The following IPMK variants were observed in gnomAD, a reference collection of about 807,000 sequenced individuals.
The protein encoded by IPMK is inositol 1,3,4,6-tetrakisphosphate 5-kinase.
IPMK carries 17 observed loss-of-function variants against 45.8 expected under a neutral mutation model. That is an observed-to-expected ratio of 0.37 (90% confidence interval 0.25 to 0.56). The LOEUF (loss-of-function observed/expected upper bound fraction) is 0.56. IPMK is among the 20% of genes least tolerant of loss of function. The pLI, the probability that IPMK is intolerant of heterozygous loss-of-function variation, is 0.79. For missense variants in IPMK, 399 were observed against 498.0 expected, an observed-to-expected ratio of 0.80 and a Z score of 1.89; for synonymous variants, 180 against 184.3, an observed-to-expected ratio of 0.98 and a Z score of 0.19.
At chr10:58,242,459 C>CAAAAA (rs1377487096) in intron 1 of IPMK, among the ~76,000 whole-genome samples, 2 of 45,066 alleles carry the variant, frequency 4.4e-5, no homozygotes, top group African/African-American at 2.5e-4. Context: ...GACTCCGTCT[C>CAAAAA]AAAAAAAAAA....
At chr10:58,257,269 T>C (rs1838984072) in intron 1 of IPMK, among the ~76,000 whole-genome samples, 1 of 151,840 alleles carries the variant, frequency 6.6e-6, no homozygotes, top group African/African-American at 2.4e-5. Flanking sequence ...CCAAGGCGGG[T>C]TGATCGCCTG....
chr10:58,261,360 G>T (rs1215404722), intron 1 of IPMK, among the ~76,000 whole-genome samples: 1 of 151,702 alleles, frequency 6.6e-6, no homozygotes, highest in African/African-American at 2.4e-5. Flanking sequence ...GAGTGATAAG[G>T]GAGTGAAATT....
intron 3 of IPMK, among the ~76,000 whole-genome samples, chr10:58,225,735 C>T (rs1296534537): frequency 6.6e-6 from 1 of 152,080 alleles, no homozygotes; most frequent in Non-Finnish European, 1.5e-5. Flanking sequence ...AATTAAACAG[C>T]AATCAGTAGC....
intron 2 of IPMK, among the ~76,000 whole-genome samples, chr10:58,233,016 C>A (rs910337668): frequency 1.3e-5 from 2 of 152,154 alleles, no homozygotes; most frequent in Non-Finnish European, 2.9e-5. Flanking sequence ...CACAGAAATA[C>A]AAACTACCAT....
intron 1 of IPMK, among the ~76,000 whole-genome samples, chr10:58,249,971 C>G (rs560637642): frequency 1.1e-3 from 169 of 152,240 alleles, no homozygotes; most frequent in Admixed American, 2.4e-3. Context: ...TGGCTTAGCA[C>G]CTTTGCCAAA....
At position 58,199,149 on chromosome 10, in the gene IPMK, A is replaced by C. The variant is rs116525496; in HGVS notation, c.628+91T>G. 2,124 of 719,742 alleles carry C rather than the reference A, an allele frequency of 3.0e-3. 31 individuals are homozygous for C. In the African/African-American group the frequency reaches 0.033, roughly 11 times the overall value. 44.6% of individuals were successfully genotyped at this position (719,742 alleles called of 1,614,324 possible). ...TTTAAAAAATGTTTATTATGAATCA[A>C]ATCACTTTTCCAAATGACAACTAAA... On this transcript the variant is annotated intron_variant, in intron 5 of 5. Coordinates refer to ENST00000373935, the MANE Select transcript of IPMK (RefSeq NM_152230.5).
At chr10:58,198,591 C>T (rs1289661517) in intron 5 of IPMK, among the ~76,000 whole-genome samples, 1 of 152,152 alleles carries the variant, frequency 6.6e-6, no homozygotes, top group African/African-American at 2.4e-5. Context: ...AATTCTTCTA[C>T]AAACTTTTTA....
chr10:58,248,354 AG>A (rs1838833082), intron 1 of IPMK, among the ~76,000 whole-genome samples: 1 of 152,210 alleles, frequency 6.6e-6, no homozygotes, highest in Admixed American at 6.5e-5. Flanking sequence ...TATATTCAGC[AG>A]GATTACAAAT....
At chr10:58,203,785 A>G (rs1345048132) in intron 4 of IPMK, among the ~76,000 whole-genome samples, 4 of 152,244 alleles carry the variant, frequency 2.6e-5, no homozygotes, top group Non-Finnish European at 1.5e-5. Context: ...TCCAATTTTC[A>G]AAGTTCTACT....
At chr10:58,243,233 G>A (rs112396071) in intron 1 of IPMK, among the ~76,000 whole-genome samples, 2,694 of 151,410 alleles carry the variant, frequency 0.018, 89 homozygotes, top group African/African-American at 0.059. Flanking sequence ...CAAATGAAAG[G>A]GTAAAAAAAA....
At chr10:58,228,211 C>T (rs938601089) in intron 2 of IPMK, among the ~76,000 whole-genome samples, 3 of 151,972 alleles carry the variant, frequency 2.0e-5, no homozygotes, top group Admixed American at 1.3e-4. Context: ...AATTACAAGA[C>T]GGAGGAATGA....
chr10:58,202,885 CCTG>C (rs1838017366), intron 4 of IPMK, among the ~76,000 whole-genome samples: 1 of 152,166 alleles, frequency 6.6e-6, no homozygotes, highest in Non-Finnish European at 1.5e-5. Flanking sequence ...TGTTTTCATG[CCTG>C]CTAATAACAT....
intron 3 of IPMK, among the ~76,000 whole-genome samples, chr10:58,223,849 A>ACTTTCTCTCTCCTGC (rs1838373642): frequency 1.3e-5 from 2 of 152,242 alleles, no homozygotes; most frequent in East Asian, 3.9e-4. Context: ...TTTCCCCTGC[A>ACTTTCTCTCTCCTGC]CTTTCTCTCT....
chr10:58,230,403 G>C (rs1487058314), intron 2 of IPMK, among the ~76,000 whole-genome samples: 1 of 152,186 alleles, frequency 6.6e-6, no homozygotes, highest in Admixed American at 6.5e-5. Context: ...CCCCAGTAGG[G>C]GCCAACAGAC....
chr10:58,200,123 T>C (rs907422028), intron 4 of IPMK, among the ~76,000 whole-genome samples: 1 of 152,136 alleles, frequency 6.6e-6, no homozygotes, highest in African/African-American at 2.4e-5. Flanking sequence ...ACCAACTTTT[T>C]TTTGGTTGGG....
intron 3 of IPMK, among the ~76,000 whole-genome samples, chr10:58,226,517 A>G (rs1838418475): frequency 6.6e-6 from 1 of 152,222 alleles, no homozygotes; most frequent in African/African-American, 2.4e-5. Flanking sequence ...TGTTTTGGCA[A>G]AGGCCTTCTG....
At chr10:58,259,788 C>T (rs1460865307) in intron 1 of IPMK, among the ~76,000 whole-genome samples, 1 of 151,658 alleles carries the variant, frequency 6.6e-6, no homozygotes, top group Non-Finnish European at 1.5e-5. Flanking sequence ...TGCAGTGAGC[C>T]ATGACTGTAC....
intron 4 of IPMK, among the ~76,000 whole-genome samples, chr10:58,200,880 T>C (rs1052445829): frequency 1.3e-5 from 2 of 152,170 alleles, no homozygotes; most frequent in Non-Finnish European, 2.9e-5. Context: ...ACATGTGATA[T>C]TTTTTTACAG....
chr10:58,245,694 A>G (rs1458030798), intron 1 of IPMK, among the ~76,000 whole-genome samples: 1 of 151,924 alleles, frequency 6.6e-6, no homozygotes, highest in Non-Finnish European at 1.5e-5. Flanking sequence ...CACAGCCAAT[A>G]TCATACTGAA....
Sources: allele counts gnomAD v4.1 joint callset (sites outside exome capture counted in the v4.1 genomes callset), GRCh38; gene constraint gnomAD v4.1.1; transcripts MANE v1.5; gene names NCBI Gene and HGNC (gene_info 2026-07-23, HGNC 2026-07-21).